Variants in TAFA1 observed in about 807,000 individuals in gnomAD.
TAFA1 encodes the protein TAFA chemokine like family member 1.
TAFA1 carries 4 observed loss-of-function variants against 18.5 expected under a neutral mutation model. The observed-to-expected ratio is 0.22, with a 90% CI of 0.11 to 0.49. The LOEUF is 0.49. Ranked by LOEUF, TAFA1 falls within the 20% of genes least tolerant of loss-of-function variation. The pLI is 0.98. For missense variants in TAFA1, 147 were observed against 169.0 expected, an observed-to-expected ratio of 0.87 and a Z score of 0.72; for synonymous variants, 56 against 55.2, an observed-to-expected ratio of 1.01 and a Z score of -0.06.
intron 2 of TAFA1, among the ~76,000 whole-genome samples, chr3:68,162,081 A>G (rs1431191843): frequency 2.0e-5 from 3 of 152,158 alleles, no homozygotes; most frequent in African/African-American, 7.2e-5. Context: ...ACATTTGCCA[A>G]TTGCTGGCCT....
chr3:68,496,863 A>G (rs1047742828), intron 3 of TAFA1, among the ~76,000 whole-genome samples: 2 of 152,218 alleles, frequency 1.3e-5, no homozygotes, highest in Admixed American at 6.5e-5. Context: ...ATTATACTGC[A>G]TATAAATAAT....
At chr3:68,440,219 T>C (rs1175641745) in intron 3 of TAFA1, among the ~76,000 whole-genome samples, 1 of 152,138 alleles carries the variant, frequency 6.6e-6, no homozygotes, top group Non-Finnish European at 1.5e-5. Context: ...CTGCACGAAC[T>C]CTCTTCTATT....
chr3:68,531,040 A>AAAACAAAACG (rs2073181728), intron 3 of TAFA1, among the ~76,000 whole-genome samples: 1 of 151,970 alleles, frequency 6.6e-6, no homozygotes, highest in South Asian at 2.1e-4. Flanking sequence ...AAAACAAAAC[A>AAAACAAAACG]AAACAAAACA....
chr3:68,053,614 G>A (rs911691408), intron 2 of TAFA1, among the ~76,000 whole-genome samples: 2 of 152,154 alleles, frequency 1.3e-5, no homozygotes, highest in Non-Finnish European at 2.9e-5. Context: ...TTTGTGGGAT[G>A]TAGAGACACT....
At chr3:68,212,064 A>G (rs2107069264) in intron 2 of TAFA1, among the ~76,000 whole-genome samples, 1 of 152,132 alleles carries the variant, frequency 6.6e-6, no homozygotes, top group South Asian at 2.1e-4. Flanking sequence ...AATAAGTGGT[A>G]AGTGGAGGTT....
At chr3:68,095,831 CATA>C (rs774337893) in intron 2 of TAFA1, among the ~76,000 whole-genome samples, 30 of 152,094 alleles carry the variant, frequency 2.0e-4, no homozygotes, top group South Asian at 1.9e-3. Context: ...TTTATTGATA[CATA>C]ATATTTGTGT....
chr3:68,011,752 G>C (rs376270901), intron 2 of TAFA1, among the ~76,000 whole-genome samples: 1 of 152,236 alleles, frequency 6.6e-6, no homozygotes, highest in South Asian at 2.1e-4. Context: ...GTTGTTATTC[G>C]GTGCAAGCTG....
chr3:68,027,313 A>G (rs1177329486), intron 2 of TAFA1, among the ~76,000 whole-genome samples: 2 of 152,164 alleles, frequency 1.3e-5, no homozygotes, highest in African/African-American at 4.8e-5. Context: ...CAGAATCCTG[A>G]GGACACTGGG....
At chr3:68,246,367 G>T (rs1228929465) in intron 2 of TAFA1, among the ~76,000 whole-genome samples, 6 of 151,876 alleles carry the variant, frequency 4.0e-5, no homozygotes, top group Non-Finnish European at 8.8e-5. Context: ...GAGGCGGGTG[G>T]ATCACAAAGT....
intron 2 of TAFA1, among the ~76,000 whole-genome samples, chr3:68,157,872 G>A (rs2065882541): frequency 1.3e-5 from 2 of 152,172 alleles, no homozygotes; most frequent in South Asian, 2.1e-4. Flanking sequence ...AAGGATTTGA[G>A]TTATAATAAT....
At chr3:68,463,777 G>C (rs1428933435) in intron 3 of TAFA1, among the ~76,000 whole-genome samples, 3 of 152,082 alleles carry the variant, frequency 2.0e-5, no homozygotes, top group Middle Eastern at 3.2e-3. Context: ...AAGGAGGATG[G>C]TATTCCAGTT....
intron 2 of TAFA1, among the ~76,000 whole-genome samples, chr3:68,213,564 G>A (rs1559560937): frequency 6.6e-6 from 1 of 152,030 alleles, no homozygotes; most frequent in Non-Finnish European, 1.5e-5. Context: ...GGAGTCAGGG[G>A]GTAGGGCCTG....
chr3:68,186,254 AGG>A, intron 2 of TAFA1, among the ~76,000 whole-genome samples: 1 of 152,188 alleles, frequency 6.6e-6, no homozygotes, highest in African/African-American at 2.4e-5. Context: ...TTTTGTTGCC[AGG>A]GCAATTACAA....
chr3:68,522,528 C>G (rs1264511430), intron 3 of TAFA1, among the ~76,000 whole-genome samples: 1 of 152,180 alleles, frequency 6.6e-6, no homozygotes, highest in Non-Finnish European at 1.5e-5. Context: ...GAGGCAGCAC[C>G]TAAGTCAGGC....
intron 3 of TAFA1, among the ~76,000 whole-genome samples, chr3:68,500,798 A>G (rs1036112308): frequency 6.6e-6 from 1 of 151,984 alleles, no homozygotes; most frequent in Non-Finnish European, 1.5e-5. Context: ...GCACACCCCC[A>G]CTTCAGAAGT....
At chr3:68,071,311 G>T (rs1026190511) in intron 2 of TAFA1, among the ~76,000 whole-genome samples, 1 of 152,206 alleles carries the variant, frequency 6.6e-6, no homozygotes, top group East Asian at 1.9e-4. Context: ...ATGAGATCTC[G>T]TGAGACTTTT....
intron 2 of TAFA1, chr3:68,250,895 A>T (rs1239572909): frequency 6.6e-6 from 1 of 152,050 alleles, no homozygotes; most frequent in African/African-American, 2.4e-5. Flanking sequence ...CAGCAAAGGA[A>T]CCCTATTTCT....
intron 2 of TAFA1, among the ~76,000 whole-genome samples, chr3:68,223,366 T>C (rs1014016002): frequency 6.6e-6 from 1 of 152,200 alleles, no homozygotes; most frequent in African/African-American, 2.4e-5. Flanking sequence ...TTAAATACTT[T>C]ATATACACCG....
chr3:68,169,091 C>T (rs899048348), intron 2 of TAFA1, among the ~76,000 whole-genome samples: 4 of 151,974 alleles, frequency 2.6e-5, no homozygotes, highest in Admixed American at 2.0e-4. Flanking sequence ...TGTTCCCAAA[C>T]GATTTATGTC....
Sources: gnomAD v4.1 joint callset for allele counts (sites outside exome capture counted in the v4.1 genomes callset) on GRCh38, gnomAD v4.1.1 for gene constraint, MANE v1.5 for transcripts, NCBI Gene and HGNC (gene_info 2026-07-23, HGNC 2026-07-21) for gene names.